The following SPOCK1 variants were observed in gnomAD, a reference collection of about 807,000 sequenced individuals.
SPOCK1 encodes testican-1.
In SPOCK1, 23 loss-of-function variants were observed where a neutral mutation model predicts 55.3. That is an observed-to-expected ratio of 0.42 (90% CI 0.30 to 0.59). The LOEUF is 0.59. Ranked by LOEUF, SPOCK1 falls within the 20% of genes least tolerant of loss-of-function variation. SPOCK1 has a pLI of 0.22. For missense variants in SPOCK1, 499 were observed against 552.5 expected (o/e 0.90, Z 0.97); for synonymous variants, 226 against 221.0 (o/e 1.02, Z -0.20).
intron 6 of SPOCK1, among the ~76,000 whole-genome samples, chr5:137,025,735 T>C (rs1048907463): frequency 2.0e-5 from 3 of 152,062 alleles, no homozygotes; most frequent in African/African-American, 7.2e-5. Flanking sequence ...GAATGAAAAG[T>C]GATACAAAGG....
intron 2 of SPOCK1, among the ~76,000 whole-genome samples, chr5:137,302,545 C>A (rs945099728): frequency 2.6e-5 from 4 of 151,384 alleles, no homozygotes; most frequent in Admixed American, 2.0e-4. Context: ...CCATTGCACT[C>A]CAGCCTGGGC....
At chr5:137,001,569 C>T (rs1162193906) in intron 6 of SPOCK1, among the ~76,000 whole-genome samples, 1 of 152,240 alleles carries the variant, frequency 6.6e-6, no homozygotes, top group Non-Finnish European at 1.5e-5. Flanking sequence ...AGACCATGCA[C>T]TTGAGTGCAA....
At chr5:137,474,876 T>C (rs894385530) in intron 2 of SPOCK1, among the ~76,000 whole-genome samples, 1 of 152,148 alleles carries the variant, frequency 6.6e-6, no homozygotes, top group African/African-American at 2.4e-5. Flanking sequence ...ATGGGTAATA[T>C]TGGAAAATCA....
intron 2 of SPOCK1, among the ~76,000 whole-genome samples, chr5:137,274,848 T>C (rs1330529220): frequency 1.3e-5 from 2 of 152,232 alleles, no homozygotes; most frequent in Non-Finnish European, 2.9e-5. Flanking sequence ...AGACACGTAC[T>C]ATCTAAGATT....
At chr5:137,448,795 A>G (rs1187061994) in intron 2 of SPOCK1, among the ~76,000 whole-genome samples, 2 of 152,204 alleles carry the variant, frequency 1.3e-5, no homozygotes, top group African/African-American at 2.4e-5. Context: ...GTTAGCAGAC[A>G]CTTTGTACAG....
chr5:137,036,062 G>C (rs974019157), intron 6 of SPOCK1, among the ~76,000 whole-genome samples: 1 of 152,282 alleles, frequency 6.6e-6, no homozygotes, highest in East Asian at 1.9e-4. Flanking sequence ...AGAGAGCTGG[G>C]CTTGCATAGG....
At chr5:137,250,768 G>C (rs751300048) in intron 3 of SPOCK1, among the ~76,000 whole-genome samples, 22 of 152,210 alleles carry the variant, frequency 1.4e-4, no homozygotes, top group Admixed American at 5.9e-4. Context: ...GGGAGTACCA[G>C]GGATATTTAC....
chr5:136,987,193 C>T (rs991890023), intron 8 of SPOCK1, among the ~76,000 whole-genome samples: 1 of 151,964 alleles, frequency 6.6e-6, no homozygotes, highest in Admixed American at 6.6e-5. Flanking sequence ...CCTTTCTAAG[C>T]TTTATGGCTT....
chr5:137,198,459 G>C (rs1755346444), intron 3 of SPOCK1, among the ~76,000 whole-genome samples: 1 of 152,230 alleles, frequency 6.6e-6, no homozygotes, highest in East Asian at 1.9e-4. Flanking sequence ...CTATCAAAGG[G>C]AGAAAGGAAA....
intron 3 of SPOCK1, among the ~76,000 whole-genome samples, chr5:137,205,289 C>G (rs1264148558): frequency 6.6e-6 from 1 of 152,108 alleles, no homozygotes; most frequent in Non-Finnish European, 1.5e-5. Flanking sequence ...AAAAGAAAAG[C>G]CATGAATGGG....
intron 5 of SPOCK1, among the ~76,000 whole-genome samples, chr5:137,097,541 A>G (rs1753176628): frequency 6.6e-6 from 1 of 152,162 alleles, no homozygotes; most frequent in Non-Finnish European, 1.5e-5. Context: ...CAAGCATTGG[A>G]CAAATGGATA....
At chr5:137,157,723 G>T (rs1754444943) in intron 3 of SPOCK1, among the ~76,000 whole-genome samples, 2 of 152,184 alleles carry the variant, frequency 1.3e-5, no homozygotes, top group South Asian at 4.1e-4. Flanking sequence ...TGGATGAAAG[G>T]TTGGTCACTA....
intron 2 of SPOCK1, among the ~76,000 whole-genome samples, chr5:137,404,565 C>T (rs2127185742): frequency 7.0e-6 from 1 of 143,238 alleles, no homozygotes; most frequent in South Asian, 2.4e-4. Context: ...CCTGCCACCA[C>T]ACCCAGCTAA....
chr5:136,988,428 G>A lies in SPOCK1; in HGVS notation c.922C>T (p.Pro308Ser). The change falls in exon 8 of 11, where the codon CCT (proline) becomes TCT (serine). Residue 308 changes from proline (P) to serine (S), a missense_variant. Pro to Ser is a moderately conservative substitution (Grantham distance 74). Coordinates refer to ENST00000394945, the MANE Select transcript of SPOCK1 (RefSeq NM_004598.4). ...NNEWCYCFQKPGGLPCQNEMN... is the reference protein window; with the variant it reads ...NNEWCYCFQKSGGLPCQNEMN... ...ACCCTCCATCCCACCTTACCTCCAG[G>A]CTTCTGGAAGCAGTAGCACCACTCA... The A allele has an allele frequency of 6.2e-7, 1 of 1,613,432 alleles. No homozygotes were observed.
At chr5:137,155,360 G>C (rs1754395743) in intron 3 of SPOCK1, among the ~76,000 whole-genome samples, 2 of 152,164 alleles carry the variant, frequency 1.3e-5, no homozygotes, top group Admixed American at 1.3e-4. Flanking sequence ...CTGCTGGTGA[G>C]TCCCCTTCTC....
chr5:137,067,234 T>G (rs1752525794), intron 6 of SPOCK1, among the ~76,000 whole-genome samples: 1 of 152,146 alleles, frequency 6.6e-6, no homozygotes, highest in South Asian at 2.1e-4. Flanking sequence ...GGAGGTATTC[T>G]CTTTCATCTG....
intron 6 of SPOCK1, among the ~76,000 whole-genome samples, chr5:137,060,195 A>G (rs1484782825): frequency 2.0e-5 from 3 of 152,230 alleles, no homozygotes; most frequent in African/African-American, 4.8e-5. Context: ...CATGCAATCA[A>G]CCTAAAAGCC....
intron 3 of SPOCK1, among the ~76,000 whole-genome samples, chr5:137,201,961 C>T (rs1469365229): frequency 6.6e-6 from 1 of 152,212 alleles, no homozygotes; most frequent in Non-Finnish European, 1.5e-5. Flanking sequence ...TCAGTCCAAC[C>T]GAGGCCCAGA....
At chr5:137,422,769 C>G (rs934089065) in intron 2 of SPOCK1, among the ~76,000 whole-genome samples, 1 of 152,220 alleles carries the variant, frequency 6.6e-6, no homozygotes, top group Non-Finnish European at 1.5e-5. Flanking sequence ...TCGTCTGAAG[C>G]CTTCTTCTCT....
Sources: allele counts gnomAD v4.1 joint callset (sites outside exome capture counted in the v4.1 genomes callset), GRCh38; gene constraint gnomAD v4.1.1; transcripts MANE v1.5; gene names NCBI Gene and HGNC (gene_info 2026-07-23, HGNC 2026-07-21).